CDA: variants seen among roughly 807,000 people sequenced by gnomAD.
CDA encodes the protein cytidine aminohydrolase.
Under a neutral mutation model 15.0 loss-of-function variants are expected in CDA, and 7 were observed. That is an observed-to-expected ratio of 0.47 (90% confidence interval 0.26 to 0.87). CDA has a LOEUF of 0.87. Among genes scored for constraint, CDA ranks in the 40% least tolerant of loss-of-function variants. CDA has a pLI of 0.15. For missense variants in CDA, 159 were observed against 182.7 expected (o/e 0.87, Z 0.75); for synonymous variants, 58 against 73.0 (o/e 0.79, Z 1.05).
chr1:20,599,627 T>TAAAATAAAATAAAATAAAATAAA (rs1557547090), intron 1 of CDA, among the ~76,000 whole-genome samples: 1 of 145,846 alleles, frequency 6.9e-6, no homozygotes, highest in Admixed American at 6.9e-5. Context: ...CAAAATAAAA[T>TAAAATAAAATAAAATAAAATAAA]AAAATAAAAT....
intron 3 of CDA, among the ~76,000 whole-genome samples, chr1:20,617,616 T>C (rs1029255672): frequency 2.0e-5 from 3 of 152,182 alleles, no homozygotes; most frequent in African/African-American, 7.2e-5. Context: ...TTGCTCTTCC[T>C]TCCTCTTCCG....
chr1:20,602,783 G>A (rs571107286), intron 1 of CDA, among the ~76,000 whole-genome samples: 7 of 152,142 alleles, frequency 4.6e-5, no homozygotes, highest in Admixed American at 1.3e-4. Context: ...ATCAAAAGTT[G>A]GAAACATCCT....
Position 20,618,510 on chromosome 1 carries a change from C to T in CDA, c.383C>T (p.Thr128Met), listed in dbSNP as rs139287750. Reference sequence around the variant, plus strand: ...CCGGATGGTACGTATATTGTCATGACGGTCCAGGAGCTGCTGCCCTCCTCC... The same window carrying T: ...CCGGATGGTACGTATATTGTCATGATGGTCCAGGAGCTGCTGCCCTCCTCC... ...TKPDGTYIVM[T>M]VQELLPSSFG... Residue 128 changes from threonine (T) to methionine (M), a missense_variant, in exon 4 of 4, where the codon ACG becomes ATG. Physicochemically the swap from Thr to Met is moderately conservative, Grantham distance 81. Coordinates refer to ENST00000375071, the MANE Select transcript of CDA (RefSeq NM_001785.3). 3.0e-4 allele frequency: 484 copies of T among 1,613,726 alleles called. 1 individual carries two copies. Among genetic ancestry groups the T allele is most frequent in the African/African-American group, 4.5e-4 (34 of 74,968 alleles).
At chr1:20,595,128 C>T (rs1262107537) in intron 1 of CDA, among the ~76,000 whole-genome samples, 3 of 152,206 alleles carry the variant, frequency 2.0e-5, no homozygotes, top group Non-Finnish European at 2.9e-5. Flanking sequence ...TCTTCTTCAG[C>T]TCATGACCTT....
chr1:20,611,495 C>T (rs2052750240), intron 2 of CDA, among the ~76,000 whole-genome samples: 1 of 152,198 alleles, frequency 6.6e-6, no homozygotes, highest in Non-Finnish European at 1.5e-5. Context: ...ATTCTCCTGC[C>T]TCAGCCTCCT....
chr1:20,602,699 C>T (rs1389568714), intron 1 of CDA, among the ~76,000 whole-genome samples: 1 of 147,192 alleles, frequency 6.8e-6, no homozygotes, highest in African/African-American at 2.7e-5. Context: ...GGATTATAGG[C>T]TTGAGCCACC....
chr1:20,601,695 C>A (rs2052645567), intron 1 of CDA, among the ~76,000 whole-genome samples: 1 of 152,160 alleles, frequency 6.6e-6, no homozygotes, highest in African/African-American at 2.4e-5. Flanking sequence ...CTAATCACTC[C>A]TAACATGCCA....
At chr1:20,616,469 C>T (rs2052813196) in intron 3 of CDA, among the ~76,000 whole-genome samples, 2 of 152,068 alleles carry the variant, frequency 1.3e-5, no homozygotes, top group African/African-American at 2.4e-5. Context: ...AACATACCAC[C>T]GGGAAAGCAG....
intron 1 of CDA, among the ~76,000 whole-genome samples, chr1:20,595,309 G>C (rs1413357966): frequency 1.3e-5 from 2 of 151,704 alleles, no homozygotes; most frequent in African/African-American, 4.8e-5. Context: ...GCCTACCTTG[G>C]CTTAATTCTT....
chr1:20,598,782 C>T (rs1243867722), intron 1 of CDA, among the ~76,000 whole-genome samples: 1 of 152,142 alleles, frequency 6.6e-6, no homozygotes, highest in Non-Finnish European at 1.5e-5. Flanking sequence ...AATAGTATAG[C>T]GTTGAGGGTT....
chr1:20,605,575 G>T lies in CDA; in HGVS notation c.266+536G>T, dbSNP rs1489506652. On this transcript the variant is annotated intron_variant, in intron 2 of 3. Transcript: ENST00000375071. ...CTTGGGAGGCTGAGGCAGGAGAATG[G>T]TGTGAACCTGGGAGGCAGAGCTTGC... 1.6e-5 allele frequency among the ~76,000 whole-genome samples: 2 copies of T among 122,218 alleles called. 1 individual carries two copies. Among genetic ancestry groups the T allele is most frequent in the Non-Finnish European group, 3.6e-5 (2 of 55,262 alleles). 80.2% of individuals were successfully genotyped at this position (122,218 alleles called of 152,430 possible).
chr1:20,608,612 G>A (rs1280693410), intron 2 of CDA, among the ~76,000 whole-genome samples: 2 of 152,144 alleles, frequency 1.3e-5, no homozygotes, highest in Non-Finnish European at 2.9e-5. Context: ...GTTTCACCAC[G>A]TTGACCAAGC....
intron 1 of CDA, among the ~76,000 whole-genome samples, chr1:20,598,507 G>T (rs1206420348): frequency 6.6e-6 from 1 of 152,194 alleles, no homozygotes; most frequent in Non-Finnish European, 1.5e-5. Context: ...GACTAAAACA[G>T]GCTGCTATAA....
chr1:20,594,663 C>T (rs2052575934), intron 1 of CDA, among the ~76,000 whole-genome samples: 1 of 151,824 alleles, frequency 6.6e-6, no homozygotes, highest in Non-Finnish European at 1.5e-5. Flanking sequence ...GTGGTAGGTG[C>T]CTGTAATCCC....
chr1:20,617,853 G>A (rs558017992), intron 3 of CDA, among the ~76,000 whole-genome samples: 13 of 151,862 alleles, frequency 8.6e-5, no homozygotes, highest in South Asian at 2.1e-4. Flanking sequence ...TTGCCACCAC[G>A]CCTGGCTAAT....
At chr1:20,608,478 C>T (rs536320706) in intron 2 of CDA, among the ~76,000 whole-genome samples, 2 of 131,218 alleles carry the variant, frequency 1.5e-5, no homozygotes, top group South Asian at 2.4e-4. Flanking sequence ...GGCAAGATTT[C>T]GGCTCACTGC....
chr1:20,595,440 C>T (rs1165900312), intron 1 of CDA, among the ~76,000 whole-genome samples: 1 of 152,082 alleles, frequency 6.6e-6, no homozygotes, highest in Non-Finnish European at 1.5e-5. Flanking sequence ...GACACCAGCC[C>T]CTCTCTTCAG....
At chr1:20,611,442 A>G (rs2052749812) in intron 2 of CDA, among the ~76,000 whole-genome samples, 1 of 152,062 alleles carries the variant, frequency 6.6e-6, no homozygotes, top group Non-Finnish European at 1.5e-5. Context: ...GTGCAGTGGC[A>G]CCATCTCGGC....
chr1:20,601,179 C>T (rs1209030858), intron 1 of CDA, among the ~76,000 whole-genome samples: 1 of 152,236 alleles, frequency 6.6e-6, no homozygotes, highest in African/African-American at 2.4e-5. Flanking sequence ...CTCATCCATT[C>T]TTCTGAGTGT....
Sources: allele counts gnomAD v4.1 joint callset (sites outside exome capture counted in the v4.1 genomes callset), GRCh38; gene constraint gnomAD v4.1.1; transcripts MANE v1.5; gene names NCBI Gene and HGNC (gene_info 2026-07-23, HGNC 2026-07-21).